FGGY: variants seen among roughly 807,000 people sequenced by gnomAD.
The protein encoded by FGGY is FGGY carbohydrate kinase domain-containing protein.
In FGGY, 72 loss-of-function variants were observed where a neutral mutation model predicts 71.3. That is an observed-to-expected ratio of 1.01 (90% confidence interval 0.84 to 1.23). FGGY has a LOEUF of 1.23. Ranked by LOEUF, FGGY falls within the 50% of genes most tolerant of loss-of-function variation. FGGY has a pLI of 0.00. For missense variants in FGGY, 668 were observed against 682.3 expected, an observed-to-expected ratio of 0.98 and a Z score of 0.23; for synonymous variants, 251 against 250.3, an observed-to-expected ratio of 1.00 and a Z score of -0.02.
chr1:59,669,540 CTTTTTTTTTTTTT>C lies in FGGY; in HGVS notation c.1417+2150_1417+2162del, dbSNP rs58004594. Among the ~76,000 whole-genome samples the C allele has an allele frequency of 4.9e-5, 5 of 102,502 alleles. No individual in the cohort carries two copies. The South Asian group carries it at 1.1e-3, about 23-fold the overall frequency. 67.2% of individuals were successfully genotyped at this position (102,502 alleles called of 152,430 possible). A position where few individuals can be genotyped will look rare whatever the true frequency, so the allele number is the denominator to read the frequency against. On this transcript the variant is annotated intron_variant, in intron 13 of 15. Coordinates refer to ENST00000303721, the MANE Select transcript of FGGY (RefSeq NM_018291.5). ...CTGTGACATTCCAATTTCTAGACTT[CTTTTTTTTTTTTT>C]TTTTTTTTTTTTGTATTTTTTGGTA...
chr1:59,372,981 T>A (rs2057965108), intron 4 of FGGY, among the ~76,000 whole-genome samples: 1 of 152,122 alleles, frequency 6.6e-6, no homozygotes, highest in Non-Finnish European at 1.5e-5. Flanking sequence ...CTGGAAGCAT[T>A]CCATTTGAAA....
chr1:59,439,669 CT>C (rs2069295818), intron 5 of FGGY, among the ~76,000 whole-genome samples: 1 of 152,164 alleles, frequency 6.6e-6, no homozygotes, highest in South Asian at 2.1e-4. Context: ...ATGCTTATTG[CT>C]TTCATAAAGA....
At chr1:59,687,313 A>G (rs890690729) in intron 14 of FGGY, among the ~76,000 whole-genome samples, 2 of 152,110 alleles carry the variant, frequency 1.3e-5, no homozygotes, top group African/African-American at 4.8e-5. Flanking sequence ...TTTCCGTTCT[A>G]TACTGACATT....
chr1:59,336,902 T>G (rs148224486), intron 2 of FGGY, among the ~76,000 whole-genome samples: 1 of 151,708 alleles, frequency 6.6e-6, no homozygotes, highest in Non-Finnish European at 1.5e-5. Flanking sequence ...TGTCAGAGTA[T>G]AGGTCTTGAA....
At chr1:59,736,135 A>T (rs574186194) in intron 14 of FGGY, among the ~76,000 whole-genome samples, 1 of 152,104 alleles carries the variant, frequency 6.6e-6, no homozygotes, top group East Asian at 1.9e-4. Flanking sequence ...GCTGCCATCC[A>T]TGTAAGGTGT....
At position 59,674,149 on chromosome 1, in the gene FGGY, G is replaced by C. The variant is rs752359576; in HGVS notation, c.1512+16G>C. The C allele has an allele frequency of 3.7e-6, 6 of 1,608,242 alleles. No individual in the cohort carries two copies. The African/African-American group carries it at 5.3e-5, about 14-fold the overall frequency. ...TTCTGTACAGGTATGTGAAGACCAG[G>C]GGGTGGGCTGTGGCTCCTCCCCTGT... is the stretch of plus-strand genomic sequence containing the variant. On this transcript the variant is annotated intron_variant, in intron 14 of 15. Coordinates refer to ENST00000303721, the MANE Select transcript of FGGY (RefSeq NM_018291.5).
chr1:59,556,232 A>G (rs748567278), intron 8 of FGGY, among the ~76,000 whole-genome samples: 1 of 152,194 alleles, frequency 6.6e-6, no homozygotes, highest in Non-Finnish European at 1.5e-5. Flanking sequence ...TCACAGGGAT[A>G]CATCTAATCA....
intron 14 of FGGY, among the ~76,000 whole-genome samples, chr1:59,711,495 C>T (rs931165632): frequency 3.0e-4 from 45 of 152,292 alleles, no homozygotes; most frequent in African/African-American, 1.1e-3. Flanking sequence ...ACAATTAATG[C>T]CCAGCTTGGG....
chr1:59,652,004 A>G (rs1238972659), intron 11 of FGGY, among the ~76,000 whole-genome samples: 3 of 147,422 alleles, frequency 2.0e-5, no homozygotes, highest in Non-Finnish European at 4.5e-5. Flanking sequence ...TTTCTCCTTC[A>G]CTTATGAAGC....
At chr1:59,752,903 T>C (rs1330341473) in intron 14 of FGGY, among the ~76,000 whole-genome samples, 1 of 152,210 alleles carries the variant, frequency 6.6e-6, no homozygotes, top group Non-Finnish European at 1.5e-5. Flanking sequence ...TCAGAAGTGA[T>C]GATCAAATGT....
chr1:59,723,817 G>T (rs1224778588), intron 14 of FGGY, among the ~76,000 whole-genome samples: 1 of 152,162 alleles, frequency 6.6e-6, no homozygotes, highest in Admixed American at 6.5e-5. Flanking sequence ...AATGCATAAT[G>T]TCATGCATAT....
chr1:59,424,136 A>G (rs1442367791), intron 5 of FGGY, among the ~76,000 whole-genome samples: 2 of 152,256 alleles, frequency 1.3e-5, no homozygotes, highest in African/African-American at 4.8e-5. Context: ...CAATGCATGA[A>G]GATGTGTGAG....
At chr1:59,655,934 T>C (rs1012674427) in intron 11 of FGGY, among the ~76,000 whole-genome samples, 2 of 152,234 alleles carry the variant, frequency 1.3e-5, no homozygotes, top group African/African-American at 4.8e-5. Flanking sequence ...CCTCTAAAGC[T>C]CATTGTTTCA....
chr1:59,609,912 A>T (rs1042788540), intron 9 of FGGY, among the ~76,000 whole-genome samples: 2 of 152,196 alleles, frequency 1.3e-5, no homozygotes, highest in African/African-American at 2.4e-5. Context: ...TCATACTTGG[A>T]TGGGGAATCC....
At chr1:59,704,712 G>C in intron 14 of FGGY, among the ~76,000 whole-genome samples, 1 of 152,152 alleles carries the variant, frequency 6.6e-6, no homozygotes, top group African/African-American at 2.4e-5. Flanking sequence ...GTAGTTTCTA[G>C]TGTTTAGCTG....
intron 6 of FGGY, among the ~76,000 whole-genome samples, chr1:59,493,132 A>AC (rs1200996976): frequency 1.8e-5 from 1 of 54,814 alleles, no homozygotes; most frequent in African/African-American, 5.1e-5. Flanking sequence ...CACACACACA[A>AC]AACAGAAAGT....
chr1:59,566,706 G>A (rs948485143), intron 8 of FGGY, among the ~76,000 whole-genome samples: 6 of 152,250 alleles, frequency 3.9e-5, no homozygotes, highest in South Asian at 4.2e-4. Flanking sequence ...GAATAAAACC[G>A]AAGTCTTAAA....
chr1:59,465,525 A>G (rs570985263), intron 6 of FGGY, among the ~76,000 whole-genome samples: 1 of 152,320 alleles, frequency 6.6e-6, no homozygotes, highest in East Asian at 1.9e-4. Context: ...GGCAAGAGAA[A>G]GAAATAAAGG....
chr1:59,386,031 T>A (rs973207974), intron 5 of FGGY, among the ~76,000 whole-genome samples: 1 of 152,144 alleles, frequency 6.6e-6, no homozygotes, highest in Admixed American at 6.5e-5. Flanking sequence ...TTTAAAATAG[T>A]TTTAGGATTA....
Sources: allele counts gnomAD v4.1 joint callset (sites outside exome capture counted in the v4.1 genomes callset), GRCh38; gene constraint gnomAD v4.1.1; transcripts MANE v1.5; gene names NCBI Gene and HGNC (gene_info 2026-07-23, HGNC 2026-07-21).